GPC3: variants seen among roughly 807,000 people sequenced by gnomAD.
GPC3 encodes the protein glypican-3.
GPC3 carries 3 observed loss-of-function variants against 34.4 expected under a neutral mutation model. That is an observed-to-expected ratio of 0.09 (90% CI 0.04 to 0.23). GPC3 has a LOEUF of 0.23. Ranked by LOEUF, GPC3 falls within the 10% of genes least tolerant of loss-of-function variation. The probability of loss-of-function intolerance (pLI) is 1.00; values close to 1 mark genes in which losing one functional copy is unlikely to be tolerated. For missense variants in GPC3, 351 were observed against 445.6 expected (o/e 0.79, Z 1.91); for synonymous variants, 177 against 174.0 (o/e 1.02, Z -0.13).
intron 3 of GPC3, among the ~76,000 whole-genome samples, chrX:133,722,037 T>A (rs1261722637): frequency 9.0e-6 from 1 of 111,036 alleles, no homozygotes; most frequent in Non-Finnish European, 1.9e-5. Flanking sequence ...ATCATATATC[T>A]AATAAGGATC....
At chrX:133,675,369 T>C (rs2070873483) in intron 5 of GPC3, among the ~76,000 whole-genome samples, 1 of 111,378 alleles carries the variant, frequency 9.0e-6, no homozygotes, top group East Asian at 2.8e-4. Context: ...CCCCAGGCTC[T>C]GGAATTCGTT....
chrX:133,841,020 T>C (rs73567064), intron 2 of GPC3, among the ~76,000 whole-genome samples: 8,476 of 108,374 alleles, frequency 0.078, 596 homozygotes, highest in African/African-American at 0.21. Context: ...ATTCCTAATG[T>C]ATTGCCTATA....
chrX:133,780,729 T>C (rs767246312), intron 2 of GPC3, among the ~76,000 whole-genome samples: 3 of 111,670 alleles, frequency 2.7e-5, no homozygotes, highest in Non-Finnish European at 5.6e-5. Flanking sequence ...GCTAGTAGTG[T>C]AAAAGGAGAT....
chrX:133,636,785 C>G (rs1412966595), intron 6 of GPC3, among the ~76,000 whole-genome samples: 2 of 111,968 alleles, frequency 1.8e-5, no homozygotes, highest in Non-Finnish European at 1.9e-5. Context: ...TGCTGTTGCA[C>G]TGATCTTGTT....
At chrX:133,965,247 T>C (rs1222555220) in intron 1 of GPC3, among the ~76,000 whole-genome samples, 1 of 103,284 alleles carries the variant, frequency 9.7e-6, no homozygotes, top group African/African-American at 3.6e-5. Context: ...GAAAAACGGG[T>C]CTTTGCAGAT....
At chrX:133,736,096 A>G (rs974769855) in intron 3 of GPC3, among the ~76,000 whole-genome samples, 1 of 112,230 alleles carries the variant, frequency 8.9e-6, no homozygotes, top group South Asian at 3.7e-4. Context: ...CGTTTTACCA[A>G]AAAAGATCTG....
At chrX:133,982,011 C>T (rs988866918) in intron 1 of GPC3, among the ~76,000 whole-genome samples, 1 of 111,496 alleles carries the variant, frequency 9.0e-6, no homozygotes, top group African/African-American at 3.3e-5. Flanking sequence ...CCCCCTCCCC[C>T]GACAAAAGTG....
chrX:133,800,702 G>T (rs189714414), intron 2 of GPC3, among the ~76,000 whole-genome samples: 1 of 111,668 alleles, frequency 9.0e-6, no homozygotes, highest in Non-Finnish European at 1.9e-5. Flanking sequence ...AGTACATTCT[G>T]GAAAGACTGT....
chrX:133,547,826 A>G (rs2069399900), intron 7 of GPC3, among the ~76,000 whole-genome samples: 1 of 110,219 alleles, frequency 9.1e-6, no homozygotes, highest in Admixed American at 9.7e-5. Context: ...ACACCAGGCT[A>G]ATTTTTGTAT....
At chrX:133,876,030 AT>A (rs759735902) in intron 2 of GPC3, among the ~76,000 whole-genome samples, 3 of 112,085 alleles carry the variant, frequency 2.7e-5, no homozygotes, top group Non-Finnish European at 5.6e-5. Flanking sequence ...TTATTAGACT[AT>A]TTAGATCTTT....
chrX:133,920,971 G>T (rs1401459981), intron 2 of GPC3, among the ~76,000 whole-genome samples: 2 of 111,154 alleles, frequency 1.8e-5, no homozygotes, highest in Admixed American at 1.9e-4. Context: ...TCCTTTATCT[G>T]TCCCAGGCTC....
chrX:133,612,420 G>T (rs945229355), intron 6 of GPC3, among the ~76,000 whole-genome samples: 1 of 111,358 alleles, frequency 9.0e-6, no homozygotes, highest in Non-Finnish European at 1.9e-5. Flanking sequence ...GCTATTTCTC[G>T]CACCCCTCTC....
At position 133,945,118 on chromosome X, in the gene GPC3, T is replaced by C. The variant is rs192967784; in HGVS notation, c.337+7932A>G. ...TTAATAATTTGAATTTGGCCAGGCA[T>C]GGTGGCTCACACCTGTAATTTTAAC... On this transcript the variant is annotated intron_variant, in intron 2 of 7. Transcript: ENST00000370818. Among the ~76,000 whole-genome samples, 816 of 112,008 alleles carry C rather than the reference T, an allele frequency of 7.3e-3. 9 individuals are homozygous for C. The highest frequency in any genetic ancestry group is 0.025 in the African/African-American group (785 of 30,830).
At chrX:133,928,473 A>G (rs1284032765) in intron 2 of GPC3, among the ~76,000 whole-genome samples, 1 of 111,682 alleles carries the variant, frequency 9.0e-6, no homozygotes, top group Non-Finnish European at 1.9e-5. Flanking sequence ...TATGGGTCAC[A>G]TGGTAGTCCT....
chrX:133,538,617 AT>A (rs34180192), intron 7 of GPC3, among the ~76,000 whole-genome samples: 3,829 of 92,866 alleles, frequency 0.041, 192 homozygotes, highest in African/African-American at 0.13. Flanking sequence ...GTTGTGTCTA[AT>A]TTTTTTTTTT....
chrX:133,935,519 C>A (rs1165969954), intron 2 of GPC3, among the ~76,000 whole-genome samples: 1 of 111,296 alleles, frequency 9.0e-6, no homozygotes, highest in East Asian at 2.8e-4. Flanking sequence ...ATTCTACCCC[C>A]AAAAGGCCCT....
chrX:133,812,493 G>T (rs2075670603), intron 2 of GPC3, among the ~76,000 whole-genome samples: 1 of 111,737 alleles, frequency 8.9e-6, no homozygotes, highest in Non-Finnish European at 1.9e-5. Context: ...GGAATAAGGA[G>T]ACCTCAGTCC....
chrX:133,774,972 T>C (rs1368111589), intron 2 of GPC3, among the ~76,000 whole-genome samples: 1 of 111,846 alleles, frequency 8.9e-6, no homozygotes, highest in Non-Finnish European at 1.9e-5. Flanking sequence ...TCTGCTTTCA[T>C]GACTGACAGC....
In GPC3 at chrX:133,578,403, C is replaced by T. The variant is rs191116696; in HGVS notation, c.1573+18037G>A. 6.2e-5 allele frequency among the ~76,000 whole-genome samples: 7 copies of T among 112,369 alleles called. No homozygotes were observed. The East Asian group carries it at 2.0e-3, about 32-fold the overall frequency. ...AACTCCCAACATGCTTACAACCTTTCTCTGGCTGGGCATGGTGGCTCATGC... is the reference window on the plus strand; with the variant it reads ...AACTCCCAACATGCTTACAACCTTTTTCTGGCTGGGCATGGTGGCTCATGC... On this transcript the variant is annotated intron_variant, in intron 7 of 7. Transcript: ENST00000370818.
Sources: allele counts gnomAD v4.1 joint callset (sites outside exome capture counted in the v4.1 genomes callset), GRCh38; gene constraint gnomAD v4.1.1; transcripts MANE v1.5; gene names NCBI Gene and HGNC (gene_info 2026-07-23, HGNC 2026-07-21).